The following BCLAF3 variants were observed in gnomAD, a reference collection of about 807,000 sequenced individuals.
BCLAF3 encodes the protein BCLAF1 and THRAP3 family member 3.
Under a neutral mutation model 51.2 loss-of-function variants are expected in BCLAF3, and 24 were observed. The observed-to-expected ratio is 0.47, with a 90% confidence interval of 0.34 to 0.66. The LOEUF (loss-of-function observed/expected upper bound fraction) is 0.66, where lower values mean the gene tolerates loss of function less well. Among genes scored for constraint, BCLAF3 ranks in the 30% least tolerant of loss-of-function variants. The pLI is 0.01. For synonymous variants in BCLAF3, 152 were observed against 176.6 expected, an observed-to-expected ratio of 0.86 and a Z score of 1.10; for missense variants, 465 against 525.1, an observed-to-expected ratio of 0.89 and a Z score of 1.12.
intron 1 of BCLAF3, among the ~76,000 whole-genome samples, chrX:19,985,634 T>C (rs1190404117): frequency 9.0e-6 from 1 of 110,803 alleles, no homozygotes; most frequent in East Asian, 2.8e-4. Context: ...AGAAAGGACA[T>C]GGAAGTAAAT....
intron 11 of BCLAF3, among the ~76,000 whole-genome samples, chrX:19,924,482 G>A (rs909379420): frequency 9.0e-6 from 1 of 111,115 alleles, no homozygotes; most frequent in Non-Finnish European, 1.9e-5. Flanking sequence ...AAGGGACCTG[G>A]CAAGTGTATA....
At chrX:19,935,618 G>T in intron 10 of BCLAF3, 191 bp downstream of exon 10, 3 of 363,394 alleles carry the variant, frequency 8.3e-6, no homozygotes, top group African/African-American at 2.6e-5. Flanking sequence ...AAAAAAAATT[G>T]AAAATCAAGT....
chrX:19,975,954 C>T (rs896641884), intron 1 of BCLAF3, among the ~76,000 whole-genome samples: 6 of 111,948 alleles, frequency 5.4e-5, no homozygotes, highest in African/African-American at 2.0e-4. Flanking sequence ...AAGAGTGAAC[C>T]CAGTCTTCCT....
chrX:19,963,299 C>A (rs1401470319), intron 4 of BCLAF3, among the ~76,000 whole-genome samples: 1 of 106,092 alleles, frequency 9.4e-6, no homozygotes, highest in African/African-American at 3.4e-5. Flanking sequence ...TCCACCTCAG[C>A]CTCCCAAAGT....
intron 11 of BCLAF3, among the ~76,000 whole-genome samples, chrX:19,927,227 C>T (rs1165059652): frequency 2.7e-5 from 3 of 110,764 alleles, no homozygotes; most frequent in Admixed American, 1.9e-4. Context: ...AACTCCATCT[C>T]AAAAATAAAT....
intron 1 of BCLAF3, among the ~76,000 whole-genome samples, chrX:19,988,437 T>A (rs2072869918): frequency 9.0e-6 from 1 of 111,507 alleles, no homozygotes; most frequent in Non-Finnish European, 1.9e-5. Context: ...AAAAAATGTA[T>A]GAACCTCAAG....
chrX:19,977,435 G>C (rs1248979047), intron 1 of BCLAF3, among the ~76,000 whole-genome samples: 3 of 111,998 alleles, frequency 2.7e-5, no homozygotes, highest in Non-Finnish European at 5.6e-5. Flanking sequence ...GAGAAAGTTT[G>C]AGTGGTCCGG....
rs769440495 is a variant in BCLAF3 at position 19,965,170 on chromosome X, C to T, written c.1148G>A (p.Ser383Asn). The change falls in exon 4 of 12, where the codon AGC becomes AAC. Residue 383 changes from serine to asparagine, a missense_variant. Coordinates refer to ENST00000379682, the MANE Select transcript of BCLAF3 (RefSeq NM_001367774.2). ...ATCAAGTTGGTTACTGGAAGAATTG[C>T]TCTCTTTTCTACAATCCCCTTCTTT... ...IKKEGDCRKESNSSSNQLDKS... is the reference protein window; with the variant it reads ...IKKEGDCRKENNSSSNQLDKS... The T allele has an allele frequency of 2.5e-6, 3 of 1,207,373 alleles. No homozygotes were observed. The highest frequency in any genetic ancestry group is 4.4e-5 in the Admixed American group (2 of 45,086).
intron 3 of BCLAF3, 63 bp downstream of exon 3, chrX:19,966,017 G>T: frequency 9.8e-7 from 1 of 1,020,976 alleles, no homozygotes; most frequent in Non-Finnish European, 1.3e-6. Context: ...CAACCATAAA[G>T]TAAACAGATC....
intron 8 of BCLAF3, among the ~76,000 whole-genome samples, chrX:19,948,337 G>A (rs1488132708): frequency 8.9e-6 from 1 of 112,244 alleles, no homozygotes; most frequent in African/African-American, 3.2e-5. Context: ...AAGAGAATAC[G>A]ATATAGCCAT....
intron 4 of BCLAF3, among the ~76,000 whole-genome samples, chrX:19,962,871 G>A (rs1603328744): frequency 9.0e-6 from 1 of 111,081 alleles, no homozygotes; most frequent in Middle Eastern, 4.7e-3. Context: ...GATCACATGA[G>A]GTCATGAGTT....
chrX:19,966,432 AAG>A lies in BCLAF3; in HGVS notation c.257_258del (p.Ser86PhefsTer8), dbSNP rs1371541819. 9.1e-6 allele frequency: 11 copies of A among 1,209,465 alleles called. No individual in the cohort carries two copies. The highest frequency in any genetic ancestry group is 1.8e-5 in the African/African-American group (1 of 57,024). On this transcript the variant is annotated frameshift_variant, in exon 3 of 12. Transcript: ENST00000379682. LOFTEE classifies it high-confidence loss of function. ...HRSPSPNIRN[S>X]LENVYMYKPH... ...GGCTTATACATATAAACATTTTCTA[AAG>A]AGTTTCTTATGTTAGGGGAAGGTGA...
At position 19,966,568 on chromosome X, in the gene BCLAF3, C is replaced by T; in HGVS notation, c.123G>A (p.Lys41=). The T allele has an allele frequency of 3.3e-6, 4 of 1,211,082 alleles. No homozygotes were observed. The highest frequency in any genetic ancestry group is 4.5e-6 in the Non-Finnish European group (4 of 895,314). The change falls in exon 3 of 12, where the codon AAG becomes AAA. Residue 41 remains lysine, a synonymous_variant. Transcript: ENST00000379682. ...SHGHYGCEYR[K]DPKRPVAWRM... is the part of the protein sequence containing the mutation. ...TCCACGCGACGGGTCTTTTTGGATC[C>T]TTCCTATATTCACAGCCATAATGCC...
At chrX:19,963,060 G>A (rs1026496348) in intron 4 of BCLAF3, among the ~76,000 whole-genome samples, 2 of 108,505 alleles carry the variant, frequency 1.8e-5, no homozygotes, top group Admixed American at 9.9e-5. Flanking sequence ...ACTCCAGCCT[G>A]GGTGACAGAG....
chrX:19,921,697 C>T (rs1266574054), intron 11 of BCLAF3, among the ~76,000 whole-genome samples: 2 of 109,867 alleles, frequency 1.8e-5, no homozygotes, highest in Non-Finnish European at 3.8e-5. Context: ...AGTGAGACTC[C>T]ACCTCAAAAA....
intron 6 of BCLAF3, 68 bp downstream of exon 6, chrX:19,953,710 C>A (rs2071571085): frequency 1.1e-6 from 1 of 891,695 alleles, no homozygotes; most frequent in Admixed American, 2.6e-5. Flanking sequence ...AAAGCAGCCC[C>A]TTCCCAAATC....
At chrX:19,979,071 C>A (rs1201490650) in intron 1 of BCLAF3, among the ~76,000 whole-genome samples, 1 of 110,883 alleles carries the variant, frequency 9.0e-6, no homozygotes, top group Admixed American at 9.6e-5. Flanking sequence ...ACCAGCCTGG[C>A]CAACATGGTG....
chrX:19,976,398 C>CT (rs1317136139), intron 1 of BCLAF3, among the ~76,000 whole-genome samples: 33 of 107,871 alleles, frequency 3.1e-4, no homozygotes, highest in Middle Eastern at 4.7e-3. Context: ...AACAGAATTT[C>CT]TTTTTTTTTT....
At position 19,916,006 on chromosome X, in the gene BCLAF3, T is replaced by A. The variant is rs1386265670; in HGVS notation, c.*1299A>T. ...TCAAGTGCACTTGCCCCCCTTATCA[T>A]GAACTCACTTAAGGAAAAGGCTGCC... On this transcript the variant is annotated 3_prime_UTR_variant, in exon 12 of 12. Coordinates refer to ENST00000379682, the MANE Select transcript of BCLAF3 (RefSeq NM_001367774.2). 2 of 111,771 alleles carry A rather than the reference T, an allele frequency of 1.8e-5. No individual in the cohort carries two copies. The highest frequency in any genetic ancestry group is 6.5e-5 in the African/African-American group (2 of 30,765). The allele number at this position is 111,771 out of a possible 1,213,427, so 9.2% of individuals were successfully genotyped here. A position where few individuals can be genotyped will look rare whatever the true frequency, so the allele number is the denominator to read the frequency against.
Sources: gnomAD v4.1 joint callset for allele counts (sites outside exome capture counted in the v4.1 genomes callset) on GRCh38, gnomAD v4.1.1 for gene constraint, MANE v1.5 for transcripts, NCBI Gene and HGNC (gene_info 2026-07-23, HGNC 2026-07-21) for gene names.